The following COL24A1 variants were observed in gnomAD, a reference collection of about 807,000 sequenced individuals.
COL24A1 encodes the protein collagen type XXIV alpha 1 chain, also known as collagen alpha-1(XXIV) chain.
In COL24A1, 224 loss-of-function variants were observed where a neutral mutation model predicts 253.9. The observed-to-expected ratio is 0.88, with a 90% confidence interval of 0.79 to 0.99. COL24A1 has a LOEUF of 0.99. Ranked by LOEUF, COL24A1 falls within the 50% of genes least tolerant of loss-of-function variation. COL24A1 has a pLI of 0.00. For synonymous variants in COL24A1, 685 were observed against 673.7 expected, an observed-to-expected ratio of 1.02 and a Z score of -0.26; for missense variants, 2,131 against 2,068.5, an observed-to-expected ratio of 1.03 and a Z score of -0.59.
In COL24A1 at chr1:85,734,846, C is replaced by T. The variant is rs1663878919; in HGVS notation, c.4901G>A (p.Ser1634Asn). 6.2e-7 allele frequency: 1 copy of T among 1,614,064 alleles called. No homozygotes were observed. Among genetic ancestry groups the T allele is most frequent in the East Asian group, 2.2e-5 (1 of 44,898 alleles). The change falls in exon 59 of 60, where the codon AGT (serine) becomes AAT (asparagine). Residue 1634 changes from serine to asparagine, a missense_variant. By Grantham distance (46) the Ser-to-Asn change is conservative (BLOSUM62 1). Transcript: ENST00000370571. ...NTPRWTSTQT[S>N]GPGLPIGFKG... ...GAAACCAATAGGCAATCCTGGGCCACTTGTTTGTGTGCTTGTCCACCTTGG... is the reference window on the plus strand; with the variant it reads ...GAAACCAATAGGCAATCCTGGGCCATTTGTTTGTGTGCTTGTCCACCTTGG...
At chr1:86,048,475 T>C (rs1700071210) in intron 11 of COL24A1, among the ~76,000 whole-genome samples, 2 of 151,918 alleles carry the variant, frequency 1.3e-5, no homozygotes, top group South Asian at 4.2e-4. Flanking sequence ...TGTGTATTTA[T>C]ATGTTAAGAC....
At chr1:85,903,391 G>T (rs887345038) in intron 28 of COL24A1, among the ~76,000 whole-genome samples, 8 of 152,168 alleles carry the variant, frequency 5.3e-5, no homozygotes, top group Non-Finnish European at 1.5e-5. Context: ...ATTGGTTATA[G>T]AAGTTATCCC....
At chr1:85,760,312 T>A (rs1370625221) in intron 55 of COL24A1, among the ~76,000 whole-genome samples, 2 of 152,122 alleles carry the variant, frequency 1.3e-5, no homozygotes, top group African/African-American at 4.8e-5. Context: ...CCCAAAGTGC[T>A]GGGATTACAG....
intron 20 of COL24A1, among the ~76,000 whole-genome samples, chr1:85,975,902 C>T (rs189905206): frequency 1.3e-5 from 2 of 152,268 alleles, no homozygotes; most frequent in Admixed American, 6.5e-5. Context: ...AGAGCTGAAA[C>T]TGATTTAGCG....
At chr1:86,015,988 G>C (rs1272377813) in intron 19 of COL24A1, among the ~76,000 whole-genome samples, 1 of 150,438 alleles carries the variant, frequency 6.6e-6, no homozygotes, top group East Asian at 2.0e-4. Context: ...AGCCTCCCGA[G>C]TAGCTGGGAC....
chr1:86,118,523 A>G (rs1706381760), intron 3 of COL24A1, among the ~76,000 whole-genome samples: 1 of 152,220 alleles, frequency 6.6e-6, no homozygotes, highest in South Asian at 2.1e-4. Flanking sequence ...GAAATCCTGC[A>G]TCTTACATTC....
chr1:86,038,793 TC>T (rs1699227351), intron 12 of COL24A1, among the ~76,000 whole-genome samples: 1 of 151,966 alleles, frequency 6.6e-6, no homozygotes, highest in Non-Finnish European at 1.5e-5. Flanking sequence ...AAGTGAGGCC[TC>T]CCATCAACAA....
intron 20 of COL24A1, among the ~76,000 whole-genome samples, chr1:85,982,638 CA>C (rs1693366871): frequency 6.6e-6 from 1 of 151,916 alleles, no homozygotes; most frequent in African/African-American, 2.4e-5. Context: ...AATGATCATA[CA>C]GATTATCCTC....
chr1:85,936,778 G>T, intron 24 of COL24A1, among the ~76,000 whole-genome samples: 1 of 147,256 alleles, frequency 6.8e-6, no homozygotes. Flanking sequence ...TTGATGGGAA[G>T]ATCACAGTGC....
chr1:86,083,068 C>T (rs549608072), intron 7 of COL24A1, among the ~76,000 whole-genome samples: 49 of 152,048 alleles, frequency 3.2e-4, no homozygotes, highest in African/African-American at 1.1e-3. Flanking sequence ...GAGGCCGAGG[C>T]GGGCGAATCA....
intron 2 of COL24A1, among the ~76,000 whole-genome samples, chr1:86,142,504 C>G (rs1425400869): frequency 6.9e-6 from 1 of 144,428 alleles, no homozygotes; most frequent in Non-Finnish European, 1.5e-5. Flanking sequence ...GCCTGGACGA[C>G]AGAGTGAGAC....
intron 1 of COL24A1, among the ~76,000 whole-genome samples, chr1:86,149,444 G>A (rs561897439): frequency 6.6e-6 from 1 of 152,286 alleles, no homozygotes; most frequent in South Asian, 2.1e-4. Flanking sequence ...CATATAACTG[G>A]CAGGATACAT....
chr1:86,142,187 TG>T lies in COL24A1; in HGVS notation c.121+3931del, dbSNP rs780858089. 1.2e-3 allele frequency among the ~76,000 whole-genome samples: 173 copies of T among 146,498 alleles called. 1 individual carries two copies. The highest frequency in any genetic ancestry group is 2.2e-3 in the Non-Finnish European group (147 of 66,514). ...TTGCATCAAAGAAACGAGAACAGGA[TG>T]AAAAAAAAAAAGACTAGTCTCAGTG... On this transcript the variant is annotated intron_variant, in intron 2 of 59. Coordinates refer to ENST00000370571, the MANE Select transcript of COL24A1 (RefSeq NM_152890.7).
chr1:85,818,656 C>A (rs553854111), intron 45 of COL24A1, among the ~76,000 whole-genome samples: 63 of 152,184 alleles, frequency 4.1e-4, no homozygotes, highest in Non-Finnish European at 7.9e-4. Context: ...TGTTTTAAAT[C>A]ATAATTGATT....
chr1:86,089,324 C>T (rs1703315739), intron 6 of COL24A1, 97 bp from the exon 7 acceptor site: 2 of 944,566 alleles, frequency 2.1e-6, no homozygotes, highest in Admixed American at 2.5e-5. Context: ...GACATCAGCT[C>T]TTATTACAAT....
chr1:86,081,238 G>A lies in COL24A1; in HGVS notation c.1707+7936C>T, dbSNP rs544522486. On this transcript the variant is annotated intron_variant, in intron 7 of 59. Coordinates refer to ENST00000370571, the MANE Select transcript of COL24A1 (RefSeq NM_152890.7). ...AATTGTCATACTCGCTTCTAAGTAT[G>A]GATCAATTCCCAACATTTTATCCTT... Among the ~76,000 whole-genome samples the A allele has an allele frequency of 3.3e-5, 5 of 152,084 alleles. No individual in the cohort carries two copies. The East Asian group carries it at 9.7e-4, about 29-fold the overall frequency.
chr1:85,854,853 A>G (rs1287571756), intron 37 of COL24A1, among the ~76,000 whole-genome samples: 2 of 151,894 alleles, frequency 1.3e-5, no homozygotes, highest in Non-Finnish European at 2.9e-5. Context: ...ACAGGTGTGC[A>G]CCACCACGCT....
chr1:85,895,365 G>A (rs76744238), intron 31 of COL24A1, among the ~76,000 whole-genome samples: 5,837 of 152,202 alleles, frequency 0.038, 182 homozygotes, highest in African/African-American at 0.08. Context: ...AGGAATTCAA[G>A]TTGAGTTAAA....
intron 37 of COL24A1, among the ~76,000 whole-genome samples, chr1:85,860,271 A>G (rs1420056220): frequency 1.1e-4 from 16 of 152,198 alleles, no homozygotes; most frequent in Admixed American, 5.9e-4. Context: ...TAGTATATTC[A>G]CATAGTTGTG....
Sources: gnomAD v4.1 joint callset for allele counts (sites outside exome capture counted in the v4.1 genomes callset) on GRCh38, gnomAD v4.1.1 for gene constraint, MANE v1.5 for transcripts, NCBI Gene and HGNC (gene_info 2026-07-23, HGNC 2026-07-21) for gene names.